CNNM1: variants seen among roughly 807,000 people sequenced by gnomAD.
CNNM1 encodes metal transporter CNNM1.
A neutral mutation model predicts 78.8 loss-of-function variants in CNNM1; 44 were observed. The ratio of observed to expected loss-of-function variants is 0.56; its 90% confidence interval spans 0.44 to 0.72. The LOEUF is 0.72. Among genes scored for constraint, CNNM1 ranks in the 30% least tolerant of loss-of-function variants. The pLI is 0.00. For missense variants in CNNM1, 1,101 were observed against 1,292.2 expected (o/e 0.85, Z 2.27); for synonymous variants, 584 against 581.5 (o/e 1.00, Z -0.06).
chr10:99,357,479 C>A (rs748143819), intron 1 of CNNM1, 33 bp from the exon 2 acceptor site: 9 of 1,594,776 alleles, frequency 5.6e-6, no homozygotes, highest in Middle Eastern at 1.9e-4. Context: ...AAAATGTCCC[C>A]GATACTTAAC....
intron 6 of CNNM1, among the ~76,000 whole-genome samples, chr10:99,370,147 A>T (rs2031752105): frequency 6.6e-6 from 1 of 152,194 alleles, no homozygotes; most frequent in Non-Finnish European, 1.5e-5. Flanking sequence ...GATGAAAGTG[A>T]TTCCCTCCTG....
intron 1 of CNNM1, among the ~76,000 whole-genome samples, chr10:99,343,897 T>G (rs1334657767): frequency 1.3e-5 from 2 of 151,304 alleles, no homozygotes; most frequent in Non-Finnish European, 3.0e-5. Context: ...GTTTTGTTTT[T>G]TTTTCGGTAG....
At chr10:99,388,982 G>A (rs2032388069) in intron 9 of CNNM1, among the ~76,000 whole-genome samples, 1 of 152,134 alleles carries the variant, frequency 6.6e-6, no homozygotes, top group African/African-American at 2.4e-5. Context: ...GCCTCACTAA[G>A]ATGTATTCCC....
intron 1 of CNNM1, among the ~76,000 whole-genome samples, chr10:99,342,158 G>A (rs188692586): frequency 9.8e-4 from 150 of 152,298 alleles, no homozygotes; most frequent in Non-Finnish European, 1.7e-3. Flanking sequence ...CTGATATGTA[G>A]TATACTTCAA....
chr10:99,347,600 A>ACACACACACACACACACACACAC (rs2030753613), intron 1 of CNNM1, among the ~76,000 whole-genome samples: 2 of 15,846 alleles, frequency 1.3e-4, no homozygotes, highest in Admixed American at 3.8e-4. Context: ...CACACACACA[A>ACACACACACACACACACACACAC]ATGTTGCAAT....
At chr10:99,362,078 A>T (rs560875838) in intron 3 of CNNM1, 149 bp from the exon 4 acceptor site, 1 of 639,698 alleles carries the variant, frequency 1.6e-6, no homozygotes, top group Non-Finnish European at 2.6e-6. Context: ...TCCACTCCGG[A>T]GGAACTGCAG....
intron 2 of CNNM1, 94 bp downstream of exon 2, chr10:99,357,749 G>A (rs2031273219): frequency 1.5e-6 from 2 of 1,302,980 alleles, no homozygotes; most frequent in Admixed American, 5.5e-5. Flanking sequence ...AAGGGTGTCA[G>A]GGCAAACCCT....
intron 1 of CNNM1, among the ~76,000 whole-genome samples, chr10:99,332,836 T>A (rs1287285573): frequency 6.6e-6 from 1 of 152,214 alleles, no homozygotes; most frequent in African/African-American, 2.4e-5. Context: ...TCTCACCCTG[T>A]TCAGTCCATC....
At chr10:99,356,381 T>C (rs1180083235) in intron 1 of CNNM1, among the ~76,000 whole-genome samples, 1 of 150,860 alleles carries the variant, frequency 6.6e-6, no homozygotes, top group Non-Finnish European at 1.5e-5. Context: ...GAGGCTGAGG[T>C]AGGAGAATCA....
chr10:99,340,876 T>TCCTGCCTGCCTGCCTG (rs562170205), intron 1 of CNNM1, among the ~76,000 whole-genome samples: 3,259 of 138,200 alleles, frequency 0.024, 176 homozygotes, highest in African/African-American at 0.092. Flanking sequence ...CTTCCTTCCT[T>TCCTGCCTGCCTGCCTG]CCTGCCTGCC....
chr10:99,380,444 G>C (rs1370720775), intron 7 of CNNM1, among the ~76,000 whole-genome samples: 1 of 152,164 alleles, frequency 6.6e-6, no homozygotes, highest in East Asian at 1.9e-4. Flanking sequence ...CAACTCCTCA[G>C]AGGAATGTGC....
At chr10:99,390,661 C>T (rs1250731811) in intron 10 of CNNM1, among the ~76,000 whole-genome samples, 2 of 152,222 alleles carry the variant, frequency 1.3e-5, no homozygotes, top group African/African-American at 4.8e-5. Context: ...TTCTGACCTC[C>T]CTCCTTTACT....
chr10:99,391,409 G>C (rs1416142431), intron 10 of CNNM1, 28 bp from the exon 11 acceptor site: 1 of 1,574,956 alleles, frequency 6.3e-7, no homozygotes, highest in East Asian at 2.2e-5. Flanking sequence ...AGTGTTACAG[G>C]CTGATACTTG....
chr10:99,391,598 C>A lies in CNNM1; in HGVS notation c.*82C>A. ...CCACCCTCCCATCATCTGCTTCCCCCAAGGCCTCCCACAGGTGACAGAATG... is the reference window on the plus strand; with the variant it reads ...CCACCCTCCCATCATCTGCTTCCCCAAAGGCCTCCCACAGGTGACAGAATG... On this transcript the variant is annotated 3_prime_UTR_variant, in exon 11 of 11. Transcript: ENST00000356713. 8.8e-7 allele frequency: 1 copy of A among 1,139,200 alleles called. No homozygotes were observed. Among genetic ancestry groups the A allele is most frequent in the Non-Finnish European group, 1.3e-6 (1 of 769,842 alleles). The allele number at this position is 1,139,200 out of a possible 1,614,324, so 70.6% of individuals were successfully genotyped here.
chr10:99,342,989 G>A (rs1353119888), intron 1 of CNNM1, among the ~76,000 whole-genome samples: 4 of 151,536 alleles, frequency 2.6e-5, no homozygotes, highest in Admixed American at 6.6e-5. Context: ...TTTTGAGATG[G>A]AGTCTCACTT....
At chr10:99,339,489 C>T (rs1488357303) in intron 1 of CNNM1, among the ~76,000 whole-genome samples, 4 of 152,230 alleles carry the variant, frequency 2.6e-5, no homozygotes, top group African/African-American at 9.6e-5. Context: ...GCAAGCATTA[C>T]TGTCTGAGCC....
At chr10:99,379,957 T>G (rs1353245814) in intron 7 of CNNM1, among the ~76,000 whole-genome samples, 1 of 152,100 alleles carries the variant, frequency 6.6e-6, no homozygotes, top group African/African-American at 2.4e-5. Context: ...CACTACCTAG[T>G]TTGCAGATTA....
At chr10:99,365,051 C>T in intron 6 of CNNM1, 49 bp downstream of exon 6, 1 of 1,596,634 alleles carries the variant, frequency 6.3e-7, no homozygotes, top group Non-Finnish European at 8.6e-7. Flanking sequence ...GTAGTCCTGC[C>T]TCAGCCCGCT....
intron 6 of CNNM1, among the ~76,000 whole-genome samples, chr10:99,370,336 C>T (rs1307696858): frequency 6.6e-6 from 1 of 151,634 alleles, no homozygotes; most frequent in East Asian, 1.9e-4. Flanking sequence ...TTATTCCCAC[C>T]CTTGGTTTAA....
Sources: gnomAD v4.1 joint callset for allele counts (sites outside exome capture counted in the v4.1 genomes callset) on GRCh38, gnomAD v4.1.1 for gene constraint, MANE v1.5 for transcripts, NCBI Gene and HGNC (gene_info 2026-07-23, HGNC 2026-07-21) for gene names.